The following MTUS2 variants were observed in gnomAD, a reference collection of about 807,000 sequenced individuals.
MTUS2 encodes microtubule associated scaffold protein 2.
In MTUS2, 40 loss-of-function variants were observed where a neutral mutation model predicts 114.1. The observed-to-expected ratio is 0.35, with a 90% CI of 0.27 to 0.46. The LOEUF is 0.46. MTUS2 is among the 20% of genes least tolerant of loss of function. The pLI, the probability that MTUS2 is intolerant of heterozygous loss-of-function variation, is 1.00. For missense variants in MTUS2, 1,679 were observed against 1,705.4 expected, an observed-to-expected ratio of 0.98 and a Z score of 0.27; for synonymous variants, 688 against 672.0, an observed-to-expected ratio of 1.02 and a Z score of -0.37.
intron 4 of MTUS2, among the ~76,000 whole-genome samples, chr13:29,041,185 ACC>A (rs1407672730): frequency 6.6e-6 from 1 of 152,108 alleles, no homozygotes; most frequent in Non-Finnish European, 1.5e-5. Context: ...TTATCCCAGC[ACC>A]ATTTGTTGAA....
chr13:29,128,245 G>A (rs1184967563), intron 5 of MTUS2, among the ~76,000 whole-genome samples: 7 of 152,196 alleles, frequency 4.6e-5, no homozygotes, highest in South Asian at 2.1e-4. Flanking sequence ...TTCTCAGGCC[G>A]TGAAGACATG....
chr13:29,352,485 A>G (rs3935204), intron 7 of MTUS2, among the ~76,000 whole-genome samples: 41,132 of 152,046 alleles, frequency 0.27, 6,222 homozygotes, highest in African/African-American at 0.42. Flanking sequence ...TTGAGCTATA[A>G]TTCACAAACC....
intron 4 of MTUS2, among the ~76,000 whole-genome samples, chr13:29,083,267 C>T (rs182577266): frequency 1.2e-3 from 187 of 152,222 alleles, no homozygotes; most frequent in African/African-American, 4.2e-3. Flanking sequence ...ATGTCCTGAA[C>T]GAGTGTGTCG....
chr13:29,263,291 C>T (rs1280034280), intron 5 of MTUS2, among the ~76,000 whole-genome samples: 2 of 152,172 alleles, frequency 1.3e-5, no homozygotes, highest in Non-Finnish European at 2.9e-5. Flanking sequence ...ATGTCTTCCT[C>T]TTGATCAGGG....
At chr13:28,903,964 T>A (rs1879814512) in intron 2 of MTUS2, among the ~76,000 whole-genome samples, 1 of 152,238 alleles carries the variant, frequency 6.6e-6, no homozygotes, top group African/African-American at 2.4e-5. Context: ...CTAACTGGTG[T>A]GAGATGGTAT....
At chr13:29,307,365 G>T in intron 6 of MTUS2, 1 of 776,078 alleles carries the variant, frequency 1.3e-6, no homozygotes, top group Non-Finnish European at 2.3e-6. Context: ...GGAGACTGTG[G>T]TGTGATAGCC....
At chr13:29,197,105 G>A (rs1304458795) in intron 5 of MTUS2, among the ~76,000 whole-genome samples, 9 of 152,082 alleles carry the variant, frequency 5.9e-5, no homozygotes, top group Admixed American at 5.9e-4. Context: ...AGAATGTGTA[G>A]GTTTGTTACA....
chr13:29,177,266 T>G (rs762694957), intron 5 of MTUS2, among the ~76,000 whole-genome samples: 39 of 150,932 alleles, frequency 2.6e-4, no homozygotes, highest in Non-Finnish European at 8.8e-5. Context: ...TCAGTAACCT[T>G]TAAGTCATAC....
rs577045406 is a variant in MTUS2 at position 29,120,672 on chromosome 13, A to G, written c.2644+19702A>G. The stretch of plus-strand genomic sequence containing the variant: ...AATTCACCTGTAGTTACCAGGGACC[A>G]GAGAAGGAGTTTAAATTTCAGTGTG... On this transcript the variant is annotated intron_variant, in intron 5 of 15. Transcript: ENST00000612955. Among the ~76,000 whole-genome samples the G allele has an allele frequency of 9.8e-5, 15 of 152,338 alleles. No homozygotes were observed. In the South Asian group the frequency reaches 2.9e-3, roughly 29 times the overall value.
chr13:29,213,711 G>C (rs527865009), intron 5 of MTUS2, among the ~76,000 whole-genome samples: 1 of 151,950 alleles, frequency 6.6e-6, no homozygotes, highest in African/African-American at 2.4e-5. Flanking sequence ...TCATCTATTT[G>C]TCTATTGATT....
chr13:29,411,939 A>T lies in MTUS2; in HGVS notation c.3118-28044A>T, dbSNP rs868119878. Among the ~76,000 whole-genome samples, 3 of 152,268 alleles carry T rather than the reference A, an allele frequency of 2.0e-5. No individual in the cohort carries two copies. The South Asian group carries it at 6.2e-4, about 32-fold the overall frequency. On this transcript the variant is annotated intron_variant, in intron 8 of 15. Transcript: ENST00000612955. ...TGTTACTTTTATATTTTGCTACCTTATTGAATTATTGTACTGTGTGAGTCA... is the reference window on the plus strand; with the variant it reads ...TGTTACTTTTATATTTTGCTACCTTTTTGAATTATTGTACTGTGTGAGTCA...
intron 7 of MTUS2, among the ~76,000 whole-genome samples, chr13:29,353,635 G>A (rs1309991256): frequency 1.3e-5 from 2 of 152,156 alleles, no homozygotes; most frequent in African/African-American, 4.8e-5. Context: ...CTGGAGTAAA[G>A]TTATGTCACT....
At chr13:29,364,239 C>T (rs1747544438) in intron 8 of MTUS2, among the ~76,000 whole-genome samples, 1 of 152,136 alleles carries the variant, frequency 6.6e-6, no homozygotes, top group Admixed American at 6.5e-5. Flanking sequence ...AAGCCTCATC[C>T]TTGATAATGG....
intron 5 of MTUS2, among the ~76,000 whole-genome samples, chr13:29,143,194 A>G (rs1441453792): frequency 1.3e-5 from 2 of 152,230 alleles, no homozygotes; most frequent in Non-Finnish European, 1.5e-5. Flanking sequence ...ACAGAAGCCT[A>G]TTGTATTTTA....
intron 4 of MTUS2, among the ~76,000 whole-genome samples, chr13:29,051,910 T>C (rs1887915357): frequency 6.6e-6 from 1 of 152,172 alleles, no homozygotes; most frequent in African/African-American, 2.4e-5. Context: ...GCTCTTTCAT[T>C]ATTCAGGAAA....
intron 10 of MTUS2, among the ~76,000 whole-genome samples, chr13:29,486,751 C>T (rs1881640293): frequency 6.6e-6 from 1 of 152,088 alleles, no homozygotes; most frequent in African/African-American, 2.4e-5. Context: ...TTTTGTGAAA[C>T]TTTGGTTTTG....
At chr13:28,865,857 A>G (rs1362315693) in intron 2 of MTUS2, among the ~76,000 whole-genome samples, 1 of 152,114 alleles carries the variant, frequency 6.6e-6, no homozygotes, top group Admixed American at 6.5e-5. Context: ...GGTCTTTGTA[A>G]TTGCTTTTCT....
At chr13:29,446,882 GC>G (rs1402560450) in intron 9 of MTUS2, among the ~76,000 whole-genome samples, 3 of 152,014 alleles carry the variant, frequency 2.0e-5, no homozygotes, top group Non-Finnish European at 4.4e-5. Context: ...TTAGGACGGA[GC>G]TTTTATGGTT....
chr13:29,227,677 G>A (rs1009430145), intron 5 of MTUS2, among the ~76,000 whole-genome samples: 7 of 152,222 alleles, frequency 4.6e-5, no homozygotes, highest in African/African-American at 1.4e-4. Context: ...TCTAACCTCT[G>A]AGAGGGAAGT....
Sources: allele counts gnomAD v4.1 joint callset (sites outside exome capture counted in the v4.1 genomes callset), GRCh38; gene constraint gnomAD v4.1.1; transcripts MANE v1.5; gene names NCBI Gene and HGNC (gene_info 2026-07-23, HGNC 2026-07-21).